SIM1: variants seen among roughly 807,000 people sequenced by gnomAD.
The protein encoded by SIM1 is single-minded homolog 1.
Under a neutral mutation model 78.2 loss-of-function variants are expected in SIM1, and 18 were observed. The observed-to-expected ratio is 0.23, with a 90% CI of 0.16 to 0.34. The LOEUF is 0.34. SIM1 is among the 10% of genes least tolerant of loss of function. The probability of loss-of-function intolerance (pLI) is 1.00; values close to 1 mark genes in which losing one functional copy is unlikely to be tolerated. For missense variants in SIM1, 939 were observed against 975.1 expected (o/e 0.96, Z 0.49); for synonymous variants, 417 against 385.2 (o/e 1.08, Z -0.97).
At chr6:100,441,113 C>G (rs910064009) in intron 9 of SIM1, among the ~76,000 whole-genome samples, 1 of 152,164 alleles carries the variant, frequency 6.6e-6, no homozygotes, top group Admixed American at 6.5e-5. Flanking sequence ...AGTAGACAGG[C>G]TGGTCATTCA....
chr6:100,393,933 G>A, intron 10 of SIM1, 44 bp from the exon 11 acceptor site: 1 of 1,505,214 alleles, frequency 6.6e-7, no homozygotes. Context: ...AAAATCAATC[G>A]ATCAGTAAGA....
chr6:100,392,531 A>C (rs944957555), intron 11 of SIM1, among the ~76,000 whole-genome samples: 2 of 152,216 alleles, frequency 1.3e-5, no homozygotes, highest in Admixed American at 6.5e-5. Flanking sequence ...GGTTTCCATT[A>C]CCAGTCTACC....
intron 10 of SIM1, among the ~76,000 whole-genome samples, chr6:100,414,933 A>G (rs78580475): frequency 0.016 from 2,451 of 152,344 alleles, 61 homozygotes; most frequent in African/African-American, 0.056. Flanking sequence ...TATTTAAGGT[A>G]ACAGATGTGG....
intron 9 of SIM1, among the ~76,000 whole-genome samples, chr6:100,424,668 C>T (rs1317082130): frequency 6.6e-6 from 1 of 151,906 alleles, no homozygotes; most frequent in Admixed American, 6.6e-5. Flanking sequence ...CTCATACTCC[C>T]AGGCTCAAGC....
At chr6:100,431,666 T>C (rs907521633) in intron 9 of SIM1, among the ~76,000 whole-genome samples, 3 of 152,300 alleles carry the variant, frequency 2.0e-5, no homozygotes, top group South Asian at 2.1e-4. Context: ...ACTTGTATAA[T>C]ACTACACAGA....
chr6:100,452,541 A>T (rs1174466955), intron 3 of SIM1, among the ~76,000 whole-genome samples: 1 of 152,178 alleles, frequency 6.6e-6, no homozygotes, highest in East Asian at 1.9e-4. Flanking sequence ...GAGGGAGTAA[A>T]TGGGGAGAGG....
At chr6:100,425,960 T>C (rs1424769210) in intron 9 of SIM1, among the ~76,000 whole-genome samples, 1 of 152,184 alleles carries the variant, frequency 6.6e-6, no homozygotes, top group Non-Finnish European at 1.5e-5. Flanking sequence ...CCTTCTAAAG[T>C]TTTCTTGAAA....
rs1772474026 is a variant in SIM1 at position 100,450,291 on chromosome 6, G to C, written c.324C>G (p.Ala108=). The change falls in exon 4 of 12, where the codon GCC becomes GCG. Residue 108 remains alanine (A), a synonymous_variant. Transcript: ENST00000369208. ...CCTGAGAAAGACCCAAGTGGACTGA[G>C]GCTGTCTCTGAGATGTACATGATCT... ...DGKIMYISET[A]SVHLGLSQVE... The C allele has an allele frequency of 1.2e-6, 2 of 1,614,094 alleles. No individual in the cohort carries two copies. The highest frequency in any genetic ancestry group is 1.7e-6 in the Non-Finnish European group (2 of 1,180,008).
chr6:100,432,150 A>C (rs1771918898), intron 9 of SIM1, among the ~76,000 whole-genome samples: 1 of 152,174 alleles, frequency 6.6e-6, no homozygotes, highest in South Asian at 2.1e-4. Context: ...TATCTCTTAA[A>C]AAGAGAGAGA....
chr6:100,400,615 G>A (rs1202119012), intron 10 of SIM1, among the ~76,000 whole-genome samples: 1 of 152,098 alleles, frequency 6.6e-6, no homozygotes, highest in Non-Finnish European at 1.5e-5. Context: ...ATAGGGACAT[G>A]TCAAAATGAC....
rs530422216 is a variant in SIM1, at chr6:100,454,206, A to G, written c.176-362T>C. ...CGTAAGGGCACTCTGCTTCTCGCCC[A>G]AAGTTTTCATCGTCATCCGTTTCCC... is the stretch of plus-strand genomic sequence containing the variant. On this transcript the variant is annotated intron_variant, in intron 2 of 11. Transcript: ENST00000369208. 8.5e-5 allele frequency among the ~76,000 whole-genome samples: 13 copies of G among 152,202 alleles called. No homozygotes were observed. In the East Asian group the frequency reaches 2.5e-3, roughly 29 times the overall value.
At position 100,433,465 on chromosome 6, in the gene SIM1, C is replaced by A. The variant is rs910354732; in HGVS notation, c.999-12507G>T. 2.0e-5 allele frequency among the ~76,000 whole-genome samples: 3 copies of A among 152,280 alleles called. No homozygotes were observed. In the South Asian group the frequency reaches 6.2e-4, roughly 32 times the overall value. ...TTCATTTATGAATCTTTAGAGAAAC[C>A]TTTCTGACCATCCCTACCTCTTTGT... On this transcript the variant is annotated intron_variant, in intron 9 of 11. Transcript: ENST00000369208.
intron 9 of SIM1, among the ~76,000 whole-genome samples, chr6:100,429,006 A>AG (rs1771817891): frequency 1.3e-5 from 2 of 152,274 alleles, no homozygotes; most frequent in South Asian, 2.1e-4. Flanking sequence ...ACTGTGGATA[A>AG]GGGGGGACTA....
Position 100,420,072 on chromosome 6 carries a change from T to A in SIM1, c.1167+718A>T, listed in dbSNP as rs116708500. Among the ~76,000 whole-genome samples, 1,220 of 152,278 alleles carry A rather than the reference T, an allele frequency of 8.0e-3. 16 individuals are homozygous for A. The highest frequency in any genetic ancestry group is 0.028 in the African/African-American group (1,165 of 41,566). ...GCCACAGGATATTGGGAGTGGGTAA[T>A]TCTCAGTCCTGTCCTACTTCCTTCA... On this transcript the variant is annotated intron_variant, in intron 10 of 11. Transcript: ENST00000369208.
chr6:100,463,070 G>A, intron 2 of SIM1: 1 of 470,240 alleles, frequency 2.1e-6, no homozygotes, highest in Non-Finnish European at 3.8e-6. Flanking sequence ...CATATCTGAT[G>A]GACTGAAGAG....
At chr6:100,445,392 A>G (rs960960937) in intron 9 of SIM1, among the ~76,000 whole-genome samples, 2 of 152,180 alleles carry the variant, frequency 1.3e-5, no homozygotes, top group African/African-American at 4.8e-5. Flanking sequence ...CAGAGGTATA[A>G]AATGTTTTAA....
At chr6:100,404,220 C>A (rs1770998469) in intron 10 of SIM1, among the ~76,000 whole-genome samples, 1 of 152,196 alleles carries the variant, frequency 6.6e-6, no homozygotes, top group African/African-American at 2.4e-5. Context: ...CCTGCTTCAA[C>A]AGCATGTTCC....
At chr6:100,412,752 A>G (rs1351500237) in intron 10 of SIM1, among the ~76,000 whole-genome samples, 1 of 132,578 alleles carries the variant, frequency 7.5e-6, no homozygotes, top group Non-Finnish European at 1.7e-5. Context: ...AGAAAGAAAG[A>G]AAAAAGAAAA....
intron 3 of SIM1, among the ~76,000 whole-genome samples, chr6:100,453,456 A>G (rs866049886): frequency 2.6e-5 from 4 of 152,062 alleles, no homozygotes; most frequent in Non-Finnish European, 5.9e-5. Flanking sequence ...CCTCAGCCCA[A>G]TGGAGACAAA....
Sources: gnomAD v4.1 joint callset for allele counts (sites outside exome capture counted in the v4.1 genomes callset) on GRCh38, gnomAD v4.1.1 for gene constraint, MANE v1.5 for transcripts, NCBI Gene and HGNC (gene_info 2026-07-23, HGNC 2026-07-21) for gene names.